The following FGD5 variants were observed in gnomAD, a reference collection of about 807,000 sequenced individuals.
FGD5 encodes the protein FYVE, RhoGEF and PH domain-containing protein 5.
A neutral mutation model predicts 133.4 loss-of-function variants in FGD5; 28 were observed. The observed-to-expected ratio is 0.21, with a 90% CI of 0.16 to 0.29. The LOEUF (loss-of-function observed/expected upper bound fraction) is 0.29, where lower values mean the gene tolerates loss of function less well. FGD5 is among the 10% of genes least tolerant of loss of function. The pLI, the probability that FGD5 is intolerant of heterozygous loss-of-function variation, is 1.00. For missense variants in FGD5, 1,858 were observed against 1,895.2 expected, an observed-to-expected ratio of 0.98 and a Z score of 0.36; for synonymous variants, 810 against 776.5, an observed-to-expected ratio of 1.04 and a Z score of -0.72.
At chr3:14,825,771 T>G (rs1172003330) in intron 1 of FGD5, among the ~76,000 whole-genome samples, 1 of 152,148 alleles carries the variant, frequency 6.6e-6, no homozygotes, top group African/African-American at 2.4e-5. Flanking sequence ...AGATAGGCTG[T>G]CTTATGTCCT....
At chr3:14,815,848 A>G (rs1386312342), upstream of FGD5, among the ~76,000 whole-genome samples, 1 of 152,220 alleles carries the variant, frequency 6.6e-6, no homozygotes, top group Non-Finnish European at 1.5e-5. Context: ...AGGTTCTACC[A>G]GGGCCCTGCT....
At chr3:14,883,801 G>A (rs553046898) in intron 4 of FGD5, among the ~76,000 whole-genome samples, 3 of 152,322 alleles carry the variant, frequency 2.0e-5, no homozygotes, top group African/African-American at 7.2e-5. Flanking sequence ...TTGCAGAACT[G>A]TAGTTTTGTG....
Position 14,819,465 on chromosome 3 carries a change from A to T in FGD5, c.394A>T (p.Ser132Cys). ...APAAPGAGAL[S>C]REGEEGTDLA... Reference sequence around the variant, plus strand: ...TGCTGCTCCGGGTGCAGGAGCGCTGAGCAGGGAGGGTGAGGAAGGCACAGA... The same window carrying T: ...TGCTGCTCCGGGTGCAGGAGCGCTGTGCAGGGAGGGTGAGGAAGGCACAGA... The change falls in exon 1 of 20, where the codon AGC becomes TGC. Residue 132 changes from serine (S) to cysteine (C), a missense_variant. Physicochemically the swap from Ser to Cys is moderately radical, Grantham distance 112. Around this residue, in one of 3 missense-constraint regions of FGD5, gnomAD observed 1,824 missense variants for 1,848.9 expected, o/e 0.99. Coordinates refer to ENST00000285046, the MANE Select transcript of FGD5 (RefSeq NM_152536.4). The surrounding 1 kb of genome is among the most constrained non-coding windows in gnomAD (Gnocchi z 4.1). 2 of 1,551,154 alleles carry T rather than the reference A, an allele frequency of 1.3e-6. No individual in the cohort carries two copies. The highest frequency in any genetic ancestry group is 1.7e-6 in the Non-Finnish European group (2 of 1,146,912).
intron 1 of FGD5, among the ~76,000 whole-genome samples, chr3:14,838,476 CTT>C (rs1306517304): frequency 1.3e-5 from 2 of 152,188 alleles, no homozygotes; most frequent in Non-Finnish European, 2.9e-5. Context: ...CTATTACAGT[CTT>C]TGATTCTGCC....
chr3:14,812,923 A>AAT (rs2036314754), intron 1 of FGD5, among the ~76,000 whole-genome samples: 1 of 152,148 alleles, frequency 6.6e-6, no homozygotes, highest in East Asian at 1.9e-4. Flanking sequence ...TACTTCTATC[A>AAT]GTTTATTTAG....
intron 1 of FGD5, among the ~76,000 whole-genome samples, chr3:14,812,941 A>T (rs184867705): frequency 1.3e-5 from 2 of 152,198 alleles, no homozygotes; most frequent in Admixed American, 1.3e-4. Context: ...TAGTTTTCAC[A>T]GTCATCTTAT....
chr3:14,905,550 C>T (rs962724910), intron 9 of FGD5, among the ~76,000 whole-genome samples: 3 of 152,136 alleles, frequency 2.0e-5, no homozygotes, highest in East Asian at 1.9e-4. Flanking sequence ...AGCTGTGTTC[C>T]GTTTGCTGCT....
chr3:14,817,082 A>G (rs1055776349), upstream of FGD5, among the ~76,000 whole-genome samples: 2 of 152,382 alleles, frequency 1.3e-5, no homozygotes, highest in African/African-American at 4.8e-5. Context: ...GATTTGGGAC[A>G]CTTAGTATGA....
chr3:14,881,414 A>G (rs1054020854), intron 4 of FGD5, among the ~76,000 whole-genome samples: 2 of 152,178 alleles, frequency 1.3e-5, no homozygotes, highest in Admixed American at 6.5e-5. Context: ...GAACTGGAGA[A>G]TGGGAAGACA....
intron 9 of FGD5, among the ~76,000 whole-genome samples, chr3:14,901,825 G>A (rs1214696873): frequency 3.3e-5 from 5 of 152,246 alleles, no homozygotes; most frequent in Non-Finnish European, 7.3e-5. Flanking sequence ...CTATGTGTCA[G>A]ACCTTGTGCT....
At chr3:14,827,934 A>G (rs1288006310) in intron 1 of FGD5, among the ~76,000 whole-genome samples, 1 of 152,196 alleles carries the variant, frequency 6.6e-6, no homozygotes, top group Non-Finnish European at 1.5e-5. Context: ...CCGCCAGCCC[A>G]GGGTTGTTAC....
chr3:14,817,278 C>T (rs2036384682), upstream of FGD5, among the ~76,000 whole-genome samples: 1 of 152,124 alleles, frequency 6.6e-6, no homozygotes, highest in Admixed American at 6.5e-5. Context: ...TTATTGCAAC[C>T]TCTGTCTCCC....
intron 1 of FGD5, among the ~76,000 whole-genome samples, chr3:14,837,735 G>A (rs1458950256): frequency 6.6e-6 from 1 of 152,188 alleles, no homozygotes; most frequent in African/African-American, 2.4e-5. Context: ...TTAGAGCCCT[G>A]AGTCTCTAAG....
intron 1 of FGD5, among the ~76,000 whole-genome samples, chr3:14,858,566 C>T (rs897275176): frequency 4.6e-5 from 7 of 152,164 alleles, no homozygotes; most frequent in African/African-American, 1.7e-4. Flanking sequence ...AGACACTGTA[C>T]CCTCAGTACC....
In FGD5 at chr3:14,819,402, C is replaced by T. The variant is rs2036435477; in HGVS notation, c.331C>T (p.Leu111=). The T allele has an allele frequency of 6.5e-7, 1 of 1,549,856 alleles. No homozygotes were observed. Among genetic ancestry groups the T allele is most frequent in the Non-Finnish European group, 8.7e-7 (1 of 1,146,326 alleles). Residue 111 remains leucine, a synonymous_variant, in exon 1 of 20, where the codon CTG becomes TTG. Transcript: ENST00000285046. The surrounding 1 kb of genome is among the most constrained non-coding windows in gnomAD (Gnocchi z 4.1). ...TGAAGAGGGAGGCGAGGCATGTGGC[C>T]TGGAGGGTACAGGAGCTGGTGAGGA... The part of the protein sequence containing the change: ...EREEGGEACG[L]EGTGAGEDSV...
rs773060678 is a variant in FGD5, at chr3:14,820,696, G to C, written c.1625G>C (p.Arg542Thr). Residue 542 changes from arginine to threonine, a missense_variant, in exon 1 of 20, where the codon AGG (arginine) becomes ACG (threonine). Arg to Thr is a moderately conservative substitution (Grantham distance 71). Coordinates refer to ENST00000285046, the MANE Select transcript of FGD5 (RefSeq NM_152536.4). Reference protein sequence around the residue: ...EASRALPAKPRAFTLYPRSFS... With the variant: ...EASRALPAKPTAFTLYPRSFS... ...AGCAGGGCCTTGCCAGCAAAGCCCA[G>C]GGCCTTTACTTTATACCCTCGGTCG... 4.4e-6 allele frequency: 7 copies of C among 1,592,768 alleles called. No individual in the cohort carries two copies. The highest frequency in any genetic ancestry group is 3.4e-5 in the South Asian group (3 of 87,014).
At chr3:14,849,041 A>G (rs1458517854) in intron 1 of FGD5, among the ~76,000 whole-genome samples, 1 of 152,172 alleles carries the variant, frequency 6.6e-6, no homozygotes, top group African/African-American at 2.4e-5. Context: ...AGGCAGATGG[A>G]GTTGGGGAAG....
intron 9 of FGD5, among the ~76,000 whole-genome samples, chr3:14,905,220 G>A (rs963069051): frequency 4.6e-5 from 7 of 152,102 alleles, no homozygotes; most frequent in Non-Finnish European, 8.8e-5. Flanking sequence ...GGTGTACATC[G>A]TTTCTGGTGG....
In FGD5 at chr3:14,866,374, A is replaced by C. The variant is rs149620861; in HGVS notation, c.2658+2114A>C. 5.0e-3 allele frequency among the ~76,000 whole-genome samples: 764 copies of C among 152,210 alleles called. 3 individuals carry two copies. Among genetic ancestry groups the C allele is most frequent in the Non-Finnish European group, 8.7e-3 (593 of 68,018 alleles). On this transcript the variant is annotated intron_variant, in intron 2 of 19. Transcript: ENST00000285046. ...AAAGAGAGGGCCTGTCCTGCTCAGA[A>C]CCATTCTAAAGGTATGAATGTGCAA...
Sources: allele counts gnomAD v4.1 joint callset (sites outside exome capture counted in the v4.1 genomes callset), GRCh38; gene constraint gnomAD v4.1.1; regional missense constraint gnomAD v4.1.1; non-coding constraint Gnocchi (gnomAD v3.1); transcripts MANE v1.5; gene names NCBI Gene and HGNC (gene_info 2026-07-23, HGNC 2026-07-21).